The following KCNH5 variants were observed in gnomAD, a reference collection of about 807,000 sequenced individuals.
KCNH5 encodes the protein voltage-gated delayed rectifier potassium channel KCNH5.
A neutral mutation model predicts 96.1 loss-of-function variants in KCNH5; 46 were observed. That is an observed-to-expected ratio of 0.48 (90% CI 0.38 to 0.61). The LOEUF is 0.61. Among genes scored for constraint, KCNH5 ranks in the 20% least tolerant of loss-of-function variants. KCNH5 has a pLI of 0.00. For synonymous variants in KCNH5, 439 were observed against 449.8 expected (o/e 0.98, Z 0.30); for missense variants, 907 against 1,225.8 (o/e 0.74, Z 3.88).
At chr14:62,767,364 AC>A (rs1885882968) in intron 10 of KCNH5, among the ~76,000 whole-genome samples, 2 of 152,202 alleles carry the variant, frequency 1.3e-5, no homozygotes, top group South Asian at 4.1e-4. Context: ...CCATAAAGAC[AC>A]ACACATGCAT....
chr14:62,782,667 C>G (rs552305075), intron 9 of KCNH5, among the ~76,000 whole-genome samples: 1 of 152,044 alleles, frequency 6.6e-6, no homozygotes, highest in East Asian at 1.9e-4. Context: ...AAAAATTAGC[C>G]GGGCGTGGTG....
chr14:62,840,557 C>CTTTT (rs1165731381), intron 8 of KCNH5, among the ~76,000 whole-genome samples: 2 of 108,730 alleles, frequency 1.8e-5, no homozygotes, highest in Non-Finnish European at 3.8e-5. Flanking sequence ...TTTCTTTTTT[C>CTTTT]TTTTTTTTCT....
chr14:62,989,950 T>A (rs748931712), intron 4 of KCNH5, among the ~76,000 whole-genome samples: 1 of 152,022 alleles, frequency 6.6e-6, no homozygotes, highest in Non-Finnish European at 1.5e-5. Flanking sequence ...GCACCTTACA[T>A]CAATAGAATG....
At chr14:63,006,287 C>A in intron 3 of KCNH5, 79 bp downstream of exon 3, 1 of 828,036 alleles carries the variant, frequency 1.2e-6, no homozygotes, top group Admixed American at 2.1e-5. Flanking sequence ...ATGCTCTCTA[C>A]ATTTTAGCTC....
At chr14:62,828,027 G>C (rs1209792397) in intron 8 of KCNH5, among the ~76,000 whole-genome samples, 1 of 151,828 alleles carries the variant, frequency 6.6e-6, no homozygotes, top group Non-Finnish European at 1.5e-5. Context: ...CATAATATGA[G>C]ACAAAATGTG....
chr14:62,919,245 A>G (rs1363791326), intron 7 of KCNH5, among the ~76,000 whole-genome samples: 1 of 152,062 alleles, frequency 6.6e-6, no homozygotes, highest in Non-Finnish European at 1.5e-5. Flanking sequence ...TATTTTCTGT[A>G]TTGCTTCATT....
chr14:62,714,869 G>A (rs1884650364), intron 10 of KCNH5, among the ~76,000 whole-genome samples: 1 of 152,156 alleles, frequency 6.6e-6, no homozygotes, highest in Non-Finnish European at 1.5e-5. Flanking sequence ...AAATCAGATT[G>A]CTGCTGAACA....
At chr14:62,788,044 A>C (rs1886355324) in intron 9 of KCNH5, among the ~76,000 whole-genome samples, 1 of 152,224 alleles carries the variant, frequency 6.6e-6, no homozygotes, top group African/African-American at 2.4e-5. Context: ...TATACTGGTA[A>C]GGCTATAGCT....
At chr14:62,752,675 T>C (rs1885527586) in intron 10 of KCNH5, among the ~76,000 whole-genome samples, 1 of 152,110 alleles carries the variant, frequency 6.6e-6, no homozygotes, top group Non-Finnish European at 1.5e-5. Flanking sequence ...ACCCCAAGTG[T>C]CAATGGAGGG....
chr14:62,950,339 C>G lies in KCNH5; in HGVS notation c.1163G>C (p.Trp388Ser), dbSNP rs773939297. Residue 388 changes from tryptophan to serine, a missense_variant, in exon 7 of 11, where the codon TGG becomes TCG. Trp to Ser is a radical substitution (Grantham distance 177). This residue lies in a region of KCNH5 where 370 missense variants were observed against 561.3 expected (regional missense o/e 0.66). Transcript: ENST00000322893. ...AATGCTCAAAGCCAGCTGGTAGAGC[C>G]AACTGTCTATTTGGATGGTGTTAGT... The part of the protein sequence containing the change: ...EVTNTIQIDS[W>S]LYQLALSIGT... 1.2e-6 allele frequency: 2 copies of G among 1,614,002 alleles called. No homozygotes were observed. Among genetic ancestry groups the G allele is most frequent in the South Asian group, 2.2e-5 (2 of 91,082 alleles).
intron 6 of KCNH5, among the ~76,000 whole-genome samples, chr14:62,976,619 A>T (rs879721734): frequency 1.3e-5 from 2 of 152,204 alleles, no homozygotes; most frequent in African/African-American, 4.8e-5. Flanking sequence ...GCACAAAAGC[A>T]TATCTTCAGA....
rs143926897 is a variant in KCNH5 at position 62,950,285 on chromosome 14, G to C, written c.1217C>G (p.Ala406Gly). 34 of 1,613,890 alleles carry C rather than the reference G, an allele frequency of 2.1e-5. No homozygotes were observed. The African/African-American group carries it at 4.1e-4, about 20-fold the overall frequency. Residue 406 changes from alanine to glycine, a missense_variant, in exon 7 of 11, where the codon GCT becomes GGT. Physicochemically the swap from Ala to Gly is moderately conservative, Grantham distance 60. Coordinates refer to ENST00000322893, the MANE Select transcript of KCNH5 (RefSeq NM_139318.5). ...GCTGGGTCCTCCTTCCCATATCCCAGCACTGGTATTGTAGCGATATGGAGT... is the reference window on the plus strand; with the variant it reads ...GCTGGGTCCTCCTTCCCATATCCCACCACTGGTATTGTAGCGATATGGAGT... ...IGTPYRYNTS[A>G]GIWEGGPSKD...
At chr14:62,915,217 A>G (rs1889250951) in intron 7 of KCNH5, among the ~76,000 whole-genome samples, 1 of 152,170 alleles carries the variant, frequency 6.6e-6, no homozygotes, top group African/African-American at 2.4e-5. Flanking sequence ...TGTTTGTTGA[A>G]TTCATGTCAT....
In KCNH5 at chr14:62,757,439, G is replaced by T. The variant is rs540437475; in HGVS notation, c.2019+22289C>A. ...ATATGATCTAGCACCCCCACTGCTG[G>T]GTATATACCCAAAAGAAAAGAAATC... On this transcript the variant is annotated intron_variant, in intron 10 of 10. Coordinates refer to ENST00000322893, the MANE Select transcript of KCNH5 (RefSeq NM_139318.5). Among the ~76,000 whole-genome samples, 3 of 152,118 alleles carry T rather than the reference G, an allele frequency of 2.0e-5. No individual in the cohort carries two copies. The South Asian group carries it at 6.2e-4, about 32-fold the overall frequency.
intron 1 of KCNH5, among the ~76,000 whole-genome samples, chr14:63,042,979 A>G (rs1025009550): frequency 4.6e-5 from 7 of 152,154 alleles, no homozygotes; most frequent in African/African-American, 2.4e-5. Flanking sequence ...CAAAACAGAT[A>G]AATTTTCATT....
intron 7 of KCNH5, among the ~76,000 whole-genome samples, chr14:62,901,394 G>C (rs1888922770): frequency 6.6e-6 from 1 of 151,882 alleles, no homozygotes; most frequent in South Asian, 2.1e-4. Context: ...CCCCAAGCTA[G>C]TAGAACCCAG....
At chr14:62,934,196 A>G (rs1051472006) in intron 7 of KCNH5, among the ~76,000 whole-genome samples, 3 of 149,600 alleles carry the variant, frequency 2.0e-5, no homozygotes, top group African/African-American at 7.5e-5. Context: ...CAGTGGCATG[A>G]TCTCACTGCA....
intron 1 of KCNH5, among the ~76,000 whole-genome samples, chr14:63,024,526 G>A (rs1018063926): frequency 6.6e-6 from 1 of 151,760 alleles, no homozygotes; most frequent in African/African-American, 2.4e-5. Context: ...AAGCAAAATT[G>A]ACAAACCTTT....
chr14:62,791,154 T>G (rs1886425579), intron 9 of KCNH5, among the ~76,000 whole-genome samples: 1 of 151,638 alleles, frequency 6.6e-6, no homozygotes, highest in African/African-American at 2.4e-5. Flanking sequence ...CAACTGGAAA[T>G]GAAAGGATAA....
Sources: allele counts gnomAD v4.1 joint callset (sites outside exome capture counted in the v4.1 genomes callset), GRCh38; gene constraint gnomAD v4.1.1; regional missense constraint gnomAD v4.1.1; transcripts MANE v1.5; gene names NCBI Gene and HGNC (gene_info 2026-07-23, HGNC 2026-07-21).